RRAS2: variants seen among roughly 807,000 people sequenced by gnomAD.
RRAS2 encodes the protein ras-related protein R-Ras2.
A neutral mutation model predicts 27.6 loss-of-function variants in RRAS2; 7 were observed. That is an observed-to-expected ratio of 0.25 (90% CI 0.14 to 0.48). The LOEUF is 0.48. Among genes scored for constraint, RRAS2 ranks in the 20% least tolerant of loss-of-function variants. The pLI is 0.99. For synonymous variants in RRAS2, 86 were observed against 90.9 expected, an observed-to-expected ratio of 0.95 and a Z score of 0.31; for missense variants, 178 against 256.2, an observed-to-expected ratio of 0.69 and a Z score of 2.08.
intron 1 of RRAS2, among the ~76,000 whole-genome samples, chr11:14,312,489 G>A (rs189034466): frequency 1.3e-5 from 2 of 151,946 alleles, no homozygotes; most frequent in Non-Finnish European, 2.9e-5. Context: ...GCCCGATCAC[G>A]GCTTACTGCT....
chr11:14,317,199 G>A (rs1666019372), intron 1 of RRAS2, among the ~76,000 whole-genome samples: 1 of 152,220 alleles, frequency 6.6e-6, no homozygotes, highest in Admixed American at 6.5e-5. Flanking sequence ...TATGGAAGAA[G>A]AGAATTCAAA....
chr11:14,317,303 G>A (rs1848129064), intron 1 of RRAS2, among the ~76,000 whole-genome samples: 1 of 152,204 alleles, frequency 6.6e-6, no homozygotes, highest in South Asian at 2.1e-4. Flanking sequence ...TCTTAGGCCG[G>A]GCATGGTGGC....
chr11:14,290,960 T>G (rs182679946), intron 4 of RRAS2, among the ~76,000 whole-genome samples: 2 of 152,198 alleles, frequency 1.3e-5, no homozygotes, highest in Non-Finnish European at 2.9e-5. Context: ...GAAATGTTCA[T>G]CTGAAATAGA....
At chr11:14,349,770 C>T (rs1848912643) in intron 1 of RRAS2, among the ~76,000 whole-genome samples, 1 of 152,154 alleles carries the variant, frequency 6.6e-6, no homozygotes, top group African/African-American at 2.4e-5. Flanking sequence ...AGTTCAAATA[C>T]TAGGATCAAA....
At position 14,339,293 on chromosome 11, in the gene RRAS2, AGGG is replaced by A. The variant is rs549908438; in HGVS notation, c.108+19467_108+19469del. On this transcript the variant is annotated intron_variant, in intron 1 of 5. Coordinates refer to ENST00000256196, the MANE Select transcript of RRAS2 (RefSeq NM_012250.6). ...TGTCTCTACCAAAAAAAAAAAAAAA[AGGG>A]GGGGGGGGGAAGAAAAAATCTATAA... 9.4e-5 allele frequency among the ~76,000 whole-genome samples: 6 copies of A among 63,930 alleles called. No individual in the cohort carries two copies. The South Asian group carries it at 3.5e-3, about 37-fold the overall frequency. 41.9% of individuals were successfully genotyped at this position (63,930 alleles called of 152,430 possible).
intron 1 of RRAS2, among the ~76,000 whole-genome samples, chr11:14,310,897 A>T (rs782381079): frequency 2.6e-5 from 4 of 152,192 alleles, no homozygotes; most frequent in Non-Finnish European, 5.9e-5. Flanking sequence ...CTTGCATGCA[A>T]TGGACAGACA....
chr11:14,362,786 T>C (rs1487816732), upstream of RRAS2, among the ~76,000 whole-genome samples: 2 of 152,204 alleles, frequency 1.3e-5, no homozygotes, highest in South Asian at 2.1e-4. Flanking sequence ...ACTCCCCTGC[T>C]CAGAGCACTT....
intron 4 of RRAS2, among the ~76,000 whole-genome samples, chr11:14,290,394 A>T (rs1849779519): frequency 6.6e-6 from 1 of 152,224 alleles, no homozygotes; most frequent in African/African-American, 2.4e-5. Flanking sequence ...TGTTGCAGTG[A>T]GCGGAGATCG....
intron 1 of RRAS2, among the ~76,000 whole-genome samples, chr11:14,307,695 C>G (rs1554948306): frequency 6.6e-6 from 1 of 151,114 alleles, no homozygotes; most frequent in African/African-American, 2.4e-5. Flanking sequence ...TAGCCTGCGA[C>G]AGTTTAAAAA....
At position 14,295,836 on chromosome 11, in the gene RRAS2, T is replaced by C; in HGVS notation, c.128A>G (p.Tyr43Cys). ...QFIQSYFVTD[Y>C]DPTIEDSYTK... ...GTAAGAATCTTCAATGGTTGGATCATAATCCGTTACAAAATAGGACTGCAA... is the reference window on the plus strand; with the variant it reads ...GTAAGAATCTTCAATGGTTGGATCACAATCCGTTACAAAATAGGACTGCAA... The change falls in exon 2 of 6, where the codon TAT becomes TGT. Residue 43 changes from tyrosine to cysteine, a missense_variant. Physicochemically the swap from Tyr to Cys is radical, Grantham distance 194. Coordinates refer to ENST00000256196, the MANE Select transcript of RRAS2 (RefSeq NM_012250.6). 13 of 1,613,320 alleles carry C rather than the reference T, an allele frequency of 8.1e-6. No homozygotes were observed. The highest frequency in any genetic ancestry group is 1.1e-5 in the Non-Finnish European group (13 of 1,179,694).
intron 1 of RRAS2, among the ~76,000 whole-genome samples, chr11:14,338,821 AT>A (rs1162177680): frequency 2.5e-4 from 37 of 150,472 alleles, no homozygotes; most frequent in South Asian, 1.1e-3. Context: ...CCAAATTCTG[AT>A]TTTTTTTTTC....
chr11:14,309,610 A>C (rs1847913233), intron 1 of RRAS2, among the ~76,000 whole-genome samples: 1 of 152,242 alleles, frequency 6.6e-6, no homozygotes, highest in Non-Finnish European at 1.5e-5. Flanking sequence ...GGAGAAGGGA[A>C]TCCTGGATCA....
intron 4 of RRAS2, among the ~76,000 whole-genome samples, chr11:14,291,507 C>A (rs1282156570): frequency 6.6e-6 from 1 of 152,016 alleles, no homozygotes; most frequent in Non-Finnish European, 1.5e-5. Context: ...ATATATACAT[C>A]TAAGCTTTTC....
intron 1 of RRAS2, among the ~76,000 whole-genome samples, chr11:14,350,146 A>C (rs1554954575): frequency 6.6e-6 from 1 of 152,172 alleles, no homozygotes; most frequent in East Asian, 1.9e-4. Context: ...TTTCTTACAC[A>C]AAAGGTAGTA....
intron 1 of RRAS2, among the ~76,000 whole-genome samples, chr11:14,345,818 A>G (rs1848817843): frequency 6.6e-6 from 1 of 152,214 alleles, no homozygotes; most frequent in African/African-American, 2.4e-5. Flanking sequence ...GAAGCTCTCC[A>G]ACGTCAACTT....
At chr11:14,364,387 T>C (rs782509743) in intron 1 of RRAS2, 55 of 1,535,876 alleles carry the variant, frequency 3.6e-5, no homozygotes, top group South Asian at 3.2e-4. Context: ...CCTGCAATAC[T>C]TACCATGGGT....
At chr11:14,333,083 A>AT (rs1457640780) in intron 1 of RRAS2, among the ~76,000 whole-genome samples, 1 of 152,148 alleles carries the variant, frequency 6.6e-6, no homozygotes, top group African/African-American at 2.4e-5. Flanking sequence ...AAAATAACAC[A>AT]AAAAGTATTT....
chr11:14,282,953 A>G (rs1240459212), intron 4 of RRAS2, among the ~76,000 whole-genome samples: 4 of 152,220 alleles, frequency 2.6e-5, no homozygotes, highest in Non-Finnish European at 5.9e-5. Flanking sequence ...TAGAACCTCC[A>G]GTACAATGAC....
intron 1 of RRAS2, among the ~76,000 whole-genome samples, chr11:14,353,587 T>C (rs1433856551): frequency 2.0e-5 from 3 of 149,586 alleles, no homozygotes; most frequent in Admixed American, 6.6e-5. Flanking sequence ...AGAGCGAAAC[T>C]TCGTCTCAAA....
Sources: allele counts gnomAD v4.1 joint callset (sites outside exome capture counted in the v4.1 genomes callset), GRCh38; gene constraint gnomAD v4.1.1; transcripts MANE v1.5; gene names NCBI Gene and HGNC (gene_info 2026-07-23, HGNC 2026-07-21).